Variants in RAI14 observed in about 807,000 individuals in gnomAD.
RAI14 encodes the protein ankycorbin.
In RAI14, 45 loss-of-function variants were observed where a neutral mutation model predicts 115.4. That is an observed-to-expected ratio of 0.39 (90% confidence interval 0.31 to 0.50). The LOEUF (loss-of-function observed/expected upper bound fraction) is 0.50. RAI14 is among the 20% of genes least tolerant of loss of function. The probability of loss-of-function intolerance (pLI) is 0.85; values close to 1 mark genes in which losing one functional copy is unlikely to be tolerated. For missense variants in RAI14, 939 were observed against 1,131.2 expected, an observed-to-expected ratio of 0.83 and a Z score of 2.44; for synonymous variants, 371 against 415.4, an observed-to-expected ratio of 0.89 and a Z score of 1.30.
chr5:34,725,050 A>G (rs559086231), intron 2 of RAI14, among the ~76,000 whole-genome samples: 6 of 147,268 alleles, frequency 4.1e-5, no homozygotes, highest in South Asian at 4.4e-4. Context: ...AGAGAGAGGG[A>G]AAAAAAAAAC....
chr5:34,814,794 C>T, intron 12 of RAI14, 125 bp downstream of exon 12: 1 of 742,166 alleles, frequency 1.3e-6, no homozygotes, highest in Non-Finnish European at 2.3e-6. Context: ...ACCTTTTCAC[C>T]ATGAAGTACC....
At position 34,776,226 on chromosome 5, in the gene RAI14, G is replaced by A. The variant is rs149338850; in HGVS notation, c.167+18628G>A. The stretch of plus-strand genomic sequence containing the variant: ...TGTGGGAGCTAGAAATTAAACTCAT[G>A]GAGATAAGAGCAGAATGATGGTTAC... On this transcript the variant is annotated intron_variant, in intron 3 of 17. Transcript: ENST00000265109. Among the ~76,000 whole-genome samples the A allele has an allele frequency of 2.8e-4, 42 of 152,306 alleles. No homozygotes were observed. In the East Asian group the frequency reaches 7.7e-3, roughly 28 times the overall value.
chr5:34,823,622 A>G lies in RAI14; in HGVS notation c.1780A>G (p.Lys594Glu). Residue 594 changes from lysine (K) to glutamate (E), a missense_variant, in exon 15 of 18, where the codon AAA (lysine) becomes GAA (glutamate). Transcript: ENST00000265109. This position sits in a 1 kb window ranked among gnomAD's most constrained non-coding sequence, Gnocchi z 4.5. ...CSVIENMNKE[K>E]AFLFEKYQEA... Reference sequence around the variant, plus strand: ...TGTTATTGAGAATATGAATAAGGAGAAAGCATTTTTGTTTGAGAAATACCA... The same window carrying G: ...TGTTATTGAGAATATGAATAAGGAGGAAGCATTTTTGTTTGAGAAATACCA... 1 of 1,613,976 alleles carries G rather than the reference A, an allele frequency of 6.2e-7. No homozygotes were observed. Among genetic ancestry groups the G allele is most frequent in the Non-Finnish European group, 8.5e-7 (1 of 1,180,008 alleles).
chr5:34,778,881 G>C (rs1026094188), intron 3 of RAI14, among the ~76,000 whole-genome samples: 3 of 152,002 alleles, frequency 2.0e-5, no homozygotes, highest in African/African-American at 7.3e-5. Flanking sequence ...TATGAGGCCA[G>C]CATCATCCTG....
intron 1 of RAI14, among the ~76,000 whole-genome samples, chr5:34,669,975 C>T (rs928374720): frequency 7.2e-5 from 11 of 152,022 alleles, no homozygotes; most frequent in African/African-American, 2.2e-4. Context: ...TTGTTGACTC[C>T]GTGAATTTAA....
At chr5:34,799,526 ACACACACACACAC>A (rs201560451) in intron 4 of RAI14, among the ~76,000 whole-genome samples, 17,809 of 119,458 alleles carry the variant, frequency 0.15, 1,373 homozygotes, top group Admixed American at 0.29. Flanking sequence ...ACACACACAC[ACACACACACACAC>A]AAAACCACCT....
chr5:34,664,044 G>T (rs1173113055), intron 1 of RAI14, among the ~76,000 whole-genome samples: 1 of 152,180 alleles, frequency 6.6e-6, no homozygotes. Flanking sequence ...ACACCTTTGG[G>T]AAGTTCTTCA....
Position 34,832,184 on chromosome 5 carries a change from A to G in RAI14, c.*1419A>G, listed in dbSNP as rs1431011789. ...CCTGCTCTGACAGGGCCCATGTCCC[A>G]CAAGGCTGCTTGGCCTCAGTGGGTG... On this transcript the variant is annotated 3_prime_UTR_variant, in exon 18 of 18. Transcript: ENST00000265109. 6.6e-6 allele frequency: 1 copy of G among 152,630 alleles called. No homozygotes were observed. The highest frequency in any genetic ancestry group is 1.5e-5 in the Non-Finnish European group (1 of 68,042). 9.5% of individuals were successfully genotyped at this position (152,630 alleles called of 1,614,324 possible).
At chr5:34,817,181 G>A (rs950851914) in intron 12 of RAI14, among the ~76,000 whole-genome samples, 1 of 149,810 alleles carries the variant, frequency 6.7e-6, no homozygotes, top group African/African-American at 2.5e-5. Context: ...GAAGGCTGAG[G>A]CAGGAGAATC....
At chr5:34,662,721 ATTTTTT>A (rs746930489) in intron 1 of RAI14, among the ~76,000 whole-genome samples, 2 of 91,886 alleles carry the variant, frequency 2.2e-5, no homozygotes, top group South Asian at 4.9e-4. Context: ...ATTTAAACAG[ATTTTTT>A]TTTTTTTTTT....
At chr5:34,664,408 C>T (rs1207849895) in intron 1 of RAI14, among the ~76,000 whole-genome samples, 1 of 122,482 alleles carries the variant, frequency 8.2e-6, no homozygotes, top group African/African-American at 2.8e-5. Context: ...CAGCGAGACA[C>T]TGTCTCAAAA....
intron 2 of RAI14, among the ~76,000 whole-genome samples, chr5:34,747,679 T>G (rs982251755): frequency 1.3e-5 from 2 of 152,258 alleles, no homozygotes; most frequent in African/African-American, 4.8e-5. Flanking sequence ...GTGCTTTGAC[T>G]TCTTGTGACA....
chr5:34,810,811 T>C (rs1755493562), intron 7 of RAI14, among the ~76,000 whole-genome samples: 1 of 152,012 alleles, frequency 6.6e-6, no homozygotes. Flanking sequence ...AAAGCTAGCA[T>C]TCAGTAAAAT....
At chr5:34,792,007 C>T (rs1012000095) in intron 3 of RAI14, among the ~76,000 whole-genome samples, 7 of 152,190 alleles carry the variant, frequency 4.6e-5, no homozygotes, top group African/African-American at 1.4e-4. Context: ...GGGTAGAGGG[C>T]AGACCTGGAG....
At position 34,792,235 on chromosome 5, in the gene RAI14, C is replaced by CTTTTTTTTT. The variant is rs55986330; in HGVS notation, c.168-3696_168-3688dup. ...CTTTCCTGCTTTTCTTTTCTTTTTT[C>CTTTTTTTTT]TTTTTTTTTTTTTTTTGAGACGGAG... On this transcript the variant is annotated intron_variant, in intron 3 of 17. Coordinates refer to ENST00000265109, the MANE Select transcript of RAI14 (RefSeq NM_015577.3). Among the ~76,000 whole-genome samples the CTTTTTTTTT allele has an allele frequency of 3.6e-4, 46 of 127,466 alleles. 1 individual carries two copies. Among genetic ancestry groups the CTTTTTTTTT allele is most frequent in the Non-Finnish European group, 5.4e-4 (34 of 62,818 alleles). 83.6% of individuals were successfully genotyped at this position (127,466 alleles called of 152,430 possible). A position where few individuals can be genotyped will look rare whatever the true frequency, so the allele number is the denominator to read the frequency against.
chr5:34,677,275 T>C (rs1262893689), intron 1 of RAI14, among the ~76,000 whole-genome samples: 1 of 152,080 alleles, frequency 6.6e-6, no homozygotes, highest in Non-Finnish European at 1.5e-5. Context: ...AGTGATTCTT[T>C]GCCTCAGCCT....
intron 1 of RAI14, chr5:34,657,186 G>A (rs1742338581): frequency 6.6e-6 from 1 of 150,842 alleles, no homozygotes; most frequent in South Asian, 2.1e-4. Flanking sequence ...GGAGTAAGGA[G>A]GACGTGGAGC....
chr5:34,747,472 A>C (rs1030142554), intron 2 of RAI14, among the ~76,000 whole-genome samples: 9 of 152,172 alleles, frequency 5.9e-5, no homozygotes, highest in African/African-American at 1.9e-4. Flanking sequence ...TCAAGGAACA[A>C]TATTCCTGTC....
rs3884194 is a variant in RAI14 at position 34,818,871 on chromosome 5, GT to G, written c.994+31del. ...CTACAGGTAAGACAAGGAAGCATCT[GT>G]TTTTTTTTTTCCTTCAACCAAACTA... On this transcript the variant is annotated intron_variant, in intron 13 of 17. Transcript: ENST00000265109. 0.31 allele frequency: 439,674 copies of G among 1,421,990 alleles called. 48,647 individuals are homozygous for G. Among genetic ancestry groups the G allele is most frequent in the Admixed American group, 0.45 (22,273 of 49,276 alleles). The allele number at this position is 1,421,990 out of a possible 1,614,324, so 88.1% of individuals were successfully genotyped here. A position where few individuals can be genotyped will look rare whatever the true frequency, so the allele number is the denominator to read the frequency against.
Sources: gnomAD v4.1 joint callset for allele counts (sites outside exome capture counted in the v4.1 genomes callset) on GRCh38, gnomAD v4.1.1 for gene constraint, Gnocchi (gnomAD v3.1) non-coding constraint, MANE v1.5 for transcripts, NCBI Gene and HGNC (gene_info 2026-07-23, HGNC 2026-07-21) for gene names.